SLC36A1: variants seen among roughly 807,000 people sequenced by gnomAD.
SLC36A1 encodes solute carrier family 36 member 1.
Under a neutral mutation model 47.5 loss-of-function variants are expected in SLC36A1, and 30 were observed. That is an observed-to-expected ratio of 0.63 (90% CI 0.47 to 0.86). The LOEUF is 0.86. SLC36A1 is among the 40% of genes least tolerant of loss of function. The pLI is 0.00. For missense variants in SLC36A1, 517 were observed against 606.0 expected, an observed-to-expected ratio of 0.85 and a Z score of 1.54; for synonymous variants, 255 against 249.7, an observed-to-expected ratio of 1.02 and a Z score of -0.20.
At chr5:151,476,510 T>A (rs1758066221) in intron 8 of SLC36A1, 80 bp from the exon 9 acceptor site, 20 of 1,195,580 alleles carry the variant, frequency 1.7e-5, no homozygotes, top group Non-Finnish European at 2.3e-5. Context: ...AGTTACTTTT[T>A]TTCTGAGGTT....
At chr5:151,552,375 T>G in the SLC36A1 span, among the ~76,000 whole-genome samples, 1 of 152,316 alleles carries the variant, frequency 6.6e-6, no homozygotes, top group South Asian at 2.1e-4. Context: ...AAGCCAGAAC[T>G]GGAAGTAAGT....
the SLC36A1 span, among the ~76,000 whole-genome samples, chr5:151,384,660 G>A: frequency 3.9e-5 from 6 of 152,156 alleles, no homozygotes; most frequent in African/African-American, 1.2e-4. Context: ...TTCCTCTCTT[G>A]GAAAGTGGTT....
At chr5:151,452,826 C>T (rs1279143021) in intron 1 of SLC36A1, among the ~76,000 whole-genome samples, 1 of 149,632 alleles carries the variant, frequency 6.7e-6, no homozygotes, top group Non-Finnish European at 1.5e-5. Context: ...GCCAAGATCA[C>T]ACCATTGCAC....
the SLC36A1 span, among the ~76,000 whole-genome samples, chr5:151,396,138 T>C: frequency 6.7e-6 from 1 of 149,112 alleles, no homozygotes; most frequent in African/African-American, 2.5e-5. Flanking sequence ...CTTCTTACTA[T>C]TATTATTATT....
the SLC36A1 span, among the ~76,000 whole-genome samples, chr5:151,377,717 A>G: frequency 1.8e-4 from 27 of 152,280 alleles, no homozygotes; most frequent in South Asian, 5.0e-3. Flanking sequence ...GGATGCATAT[A>G]TATTTAAATT....
At chr5:151,517,872 C>T in the SLC36A1 span, 3 of 1,361,546 alleles carry the variant, frequency 2.2e-6, no homozygotes, top group Non-Finnish European at 2.0e-6. Context: ...AATCATTGCT[C>T]ATATTTTATA....
At chr5:151,438,039 C>G (rs1228188102) in intron 1 of SLC36A1, among the ~76,000 whole-genome samples, 1 of 152,158 alleles carries the variant, frequency 6.6e-6, no homozygotes, top group Non-Finnish European at 1.5e-5. Flanking sequence ...TATACTAGGA[C>G]CACCCAGATA....
At chr5:151,503,805 C>T in the SLC36A1 span, among the ~76,000 whole-genome samples, 1 of 152,124 alleles carries the variant, frequency 6.6e-6, no homozygotes, top group African/African-American at 2.4e-5. Context: ...TTAGTGGACT[C>T]ATCACTCAGA....
intron 9 of SLC36A1, among the ~76,000 whole-genome samples, chr5:151,477,298 T>G (rs1758206455): frequency 6.6e-6 from 1 of 152,262 alleles, no homozygotes; most frequent in Non-Finnish European, 1.5e-5. Context: ...CATCCTGTTT[T>G]GAAGATGAAT....
At chr5:151,391,055 C>G in the SLC36A1 span, among the ~76,000 whole-genome samples, 1 of 152,096 alleles carries the variant, frequency 6.6e-6, no homozygotes, top group Non-Finnish European at 1.5e-5. Flanking sequence ...GAATGTTCTT[C>G]CATTTGTTTG....
At chr5:151,406,226 C>G in the SLC36A1 span, among the ~76,000 whole-genome samples, 4 of 152,172 alleles carry the variant, frequency 2.6e-5, no homozygotes, top group Admixed American at 2.6e-4. Flanking sequence ...CTGCAGATCC[C>G]TAGAAACCTG....
intron 10 of SLC36A1, chr5:151,479,693 G>C: frequency 1.7e-6 from 1 of 583,894 alleles, no homozygotes; most frequent in Non-Finnish European, 3.0e-6. Context: ...AAGAACATGG[G>C]AATGAGGACA....
intron 8 of SLC36A1, 71 bp from the exon 9 acceptor site, chr5:151,476,519 T>G: frequency 1.2e-6 from 1 of 865,952 alleles, no homozygotes; most frequent in Non-Finnish European, 1.6e-6. Context: ...TTTTCTGAGG[T>G]TTTTTTTTTT....
chr5:151,458,431 A>G (rs1755012355), intron 1 of SLC36A1, among the ~76,000 whole-genome samples: 1 of 151,748 alleles, frequency 6.6e-6, no homozygotes, highest in African/African-American at 2.4e-5. Context: ...GACCTAAGGA[A>G]TAGGGAATGC....
At chr5:151,358,152 A>G in the SLC36A1 span, among the ~76,000 whole-genome samples, 1 of 152,226 alleles carries the variant, frequency 6.6e-6, no homozygotes, top group Non-Finnish European at 1.5e-5. Flanking sequence ...GTTACAAAAA[A>G]GTATACCCTT....
chr5:151,512,571 A>G, the SLC36A1 span: 1 of 1,613,650 alleles, frequency 6.2e-7, no homozygotes. This position sits in a 1 kb window ranked among gnomAD's most constrained non-coding sequence, Gnocchi z 4.1. Flanking sequence ...AACCACCCAG[A>G]CAGTGGTATT....
Position 151,473,223 on chromosome 5 carries a change from T to TAGATAGATAGAA in SLC36A1, c.724-447_724-446insTAGATAGAAAGA, listed in dbSNP as rs373570099. On this transcript the variant is annotated intron_variant, in intron 7 of 10. Coordinates refer to ENST00000243389, the MANE Select transcript of SLC36A1 (RefSeq NM_078483.4). ...ATAGATAGATAGATAGATAGATAGATAGAATATATATTCTGTGGTTTAGCT... is the reference window on the plus strand; with the variant it reads ...ATAGATAGATAGATAGATAGATAGATAGATAGATAGAAAGAATATATATTCTGTGGTTTAGCT... Among the ~76,000 whole-genome samples the TAGATAGATAGAA allele has an allele frequency of 5.9e-3, 790 of 134,000 alleles. 33 individuals carry two copies. Among genetic ancestry groups the TAGATAGATAGAA allele is most frequent in the African/African-American group, 9.8e-3 (353 of 36,162 alleles). The allele number at this position is 134,000 out of a possible 152,430, so 87.9% of individuals were successfully genotyped here. A position where few individuals can be genotyped will look rare whatever the true frequency, so the allele number is the denominator to read the frequency against.
At chr5:151,496,265 G>A (rs1211421169), downstream of SLC36A1, among the ~76,000 whole-genome samples, 1 of 152,170 alleles carries the variant, frequency 6.6e-6, no homozygotes, top group East Asian at 1.9e-4. Flanking sequence ...GATGTGACCT[G>A]CTCCTCCTTG....
chr5:151,356,857 T>C, the SLC36A1 span, among the ~76,000 whole-genome samples: 1 of 152,140 alleles, frequency 6.6e-6, no homozygotes, highest in Admixed American at 6.5e-5. Flanking sequence ...GCTCATGATT[T>C]CCTGTGCAAT....
Sources: gnomAD v4.1 joint callset for allele counts (sites outside exome capture counted in the v4.1 genomes callset) on GRCh38, gnomAD v4.1.1 for gene constraint, Gnocchi (gnomAD v3.1) non-coding constraint, MANE v1.5 for transcripts, NCBI Gene and HGNC (gene_info 2026-07-23, HGNC 2026-07-21) for gene names.